The following RPS10 variants were observed in gnomAD, a reference collection of about 807,000 sequenced individuals.
RPS10 encodes the protein small ribosomal subunit protein eS10.
RPS10 carries 2 observed loss-of-function variants against 22.6 expected under a neutral mutation model. That is an observed-to-expected ratio of 0.09 (90% confidence interval 0.04 to 0.28). RPS10 has a LOEUF of 0.28. Among genes scored for constraint, RPS10 ranks in the 10% least tolerant of loss-of-function variants. The pLI is 1.00. For missense variants in RPS10, 137 were observed against 222.2 expected, an observed-to-expected ratio of 0.62 and a Z score of 2.44; for synonymous variants, 70 against 75.9, an observed-to-expected ratio of 0.92 and a Z score of 0.40.
chr6:34,417,819 C>T (rs1765629508), intron 5 of RPS10: 1 of 718,582 alleles, frequency 1.4e-6, no homozygotes. Flanking sequence ...CATCCAGCAC[C>T]AGGATTGGAC....
At chr6:34,421,914 T>C in intron 3 of RPS10, 107 bp from the exon 4 acceptor site, 1 of 1,144,372 alleles carries the variant, frequency 8.7e-7, no homozygotes. Flanking sequence ...AGCAACCACT[T>C]GGTTAAGATG....
intron 3 of RPS10, among the ~76,000 whole-genome samples, chr6:34,423,323 A>G (rs185304387): frequency 3.3e-5 from 5 of 152,074 alleles, no homozygotes; most frequent in Admixed American, 3.3e-4. Context: ...TTGTAGACGG[A>G]GTCTCACTAT....
rs374314919 is a variant in RPS10, at chr6:34,425,111, G to C, written c.111C>G (p.Asp37Glu). 72 of 1,612,742 alleles carry C rather than the reference G, an allele frequency of 4.5e-5. No individual in the cohort carries two copies. Among genetic ancestry groups the C allele is most frequent in the Admixed American group, 1.7e-4 (10 of 59,982 alleles). ...VHMPKHPELA[D>E]KNVPNLHVMK... ...TGACATGAAGGTTGGGCACATTCTT[G>C]TCTGCCAGCTCCGGGTGCTTAGGCA... Residue 37 changes from aspartate (D) to glutamate (E), a missense_variant, in exon 2 of 6, where the codon GAC (aspartate) becomes GAG (glutamate). Transcript: ENST00000648437.
At position 34,418,285 on chromosome 6, in the gene RPS10, A is replaced by T. The variant is rs931134758; in HGVS notation, c.456+84T>A. 2.5e-6 allele frequency: 4 copies of T among 1,608,528 alleles called. No homozygotes were observed. The Admixed American group carries it at 6.8e-5, about 27-fold the overall frequency. On this transcript the variant is annotated intron_variant, in intron 5 of 5. Transcript: ENST00000648437. The stretch of plus-strand genomic sequence containing the variant: ...GGTTGACAGGACCCACCCATACTAT[A>T]TGACATCCCCACAACTTGCAGAGCA...
intron 3 of RPS10, among the ~76,000 whole-genome samples, chr6:34,423,378 T>G (rs764633030): frequency 1.1e-4 from 16 of 152,098 alleles, no homozygotes; most frequent in Non-Finnish European, 1.8e-4. Context: ...GTAGTCTTCC[T>G]GCCTTGGCCT....
intron 5 of RPS10, 166 bp from the exon 6 acceptor site, chr6:34,417,713 G>A (rs1379549186): frequency 1.3e-6 from 1 of 741,510 alleles, no homozygotes; most frequent in African/African-American, 1.7e-5. Flanking sequence ...CTTACTGGAT[G>A]TGGGGCCATA....
intron 1 of RPS10, 52 bp from the exon 2 acceptor site, chr6:34,425,273 C>A (rs1289918661): frequency 4.5e-6 from 7 of 1,556,044 alleles, no homozygotes; most frequent in Non-Finnish European, 5.2e-6. Context: ...GAGGCCGGGG[C>A]CCGGTAATCA....
At chr6:34,425,611 G>C (rs545213072) in intron 1 of RPS10, 3 of 283,708 alleles carry the variant, frequency 1.1e-5, no homozygotes, top group Non-Finnish European at 2.1e-5. Context: ...GGCCCGGAGG[G>C]GTAAAGCCCC....
chr6:34,424,641 G>A (rs1204937988), intron 3 of RPS10, 28 bp downstream of exon 3: 2 of 1,613,648 alleles, frequency 1.2e-6, no homozygotes, highest in Admixed American at 3.3e-5. Context: ...TCTTCAAATA[G>A]CTGAAGGGAT....
rs192116863 is a variant in RPS10, at chr6:34,423,613, G to A, written c.322+1056C>T. 2.2e-4 allele frequency among the ~76,000 whole-genome samples: 33 copies of A among 152,216 alleles called. No homozygotes were observed. The East Asian group carries it at 4.2e-3, about 20-fold the overall frequency. On this transcript the variant is annotated intron_variant, in intron 3 of 5. Transcript: ENST00000648437. ...AAAAGACGTATTATGGGCTGGGCGC[G>A]GTGGCTAACGCCTGTAATCCCAGCA...
chr6:34,418,391 C>A lies in RPS10; in HGVS notation c.434G>T (p.Gly145Val). 1 of 1,614,144 alleles carries A rather than the reference C, an allele frequency of 6.2e-7. No homozygotes were observed. Among genetic ancestry groups the A allele is most frequent in the Non-Finnish European group, 8.5e-7 (1 of 1,180,030 alleles). Residue 145 changes from glycine to valine, a missense_variant, in exon 5 of 6, where the codon GGG (glycine) becomes GTG (valine). Coordinates refer to ENST00000648437, the MANE Select transcript of RPS10 (RefSeq NM_001014.5). ...GADKKAEAGAGSATEFQFRGG... is the reference protein window; with the variant it reads ...GADKKAEAGAVSATEFQFRGG... Reference sequence around the variant, plus strand: ...CACAAACTGGAATTCGGTTGCTGACCCAGCCCCAGCCTCGGCTTTCTTGTC... The same window carrying A: ...CACAAACTGGAATTCGGTTGCTGACACAGCCCCAGCCTCGGCTTTCTTGTC...
At position 34,421,794 on chromosome 6, in the gene RPS10, C is replaced by A; in HGVS notation, c.336G>T (p.Glu112Asp). 1 of 1,613,948 alleles carries A rather than the reference C, an allele frequency of 6.2e-7. No individual in the cohort carries two copies. The highest frequency in any genetic ancestry group is 8.5e-7 in the Non-Finnish European group (1 of 1,179,872). ...CCCCTCTTGTGAGTCTCGCAGGTCG[C>A]TCACCCTCCAGACCTATGTAAATCA... ...GRPRPKGLEGERPARLTRGEA... is the reference protein window; with the variant it reads ...GRPRPKGLEGDRPARLTRGEA... Residue 112 changes from glutamate to aspartate, a missense_variant, in exon 4 of 6, where the codon GAG (glutamate) becomes GAT (aspartate). Physicochemically the swap from Glu to Asp is conservative, Grantham distance 45. Transcript: ENST00000648437.
chr6:34,423,765 T>A (rs1315993418), intron 3 of RPS10, among the ~76,000 whole-genome samples: 1 of 151,918 alleles, frequency 6.6e-6, no homozygotes, highest in Non-Finnish European at 1.5e-5. Flanking sequence ...GCGCCTATAA[T>A]CCCAGTCTCG....
At chr6:34,425,655 G>A (rs900159164) in intron 1 of RPS10, 9 of 227,642 alleles carry the variant, frequency 4.0e-5, no homozygotes, top group Non-Finnish European at 8.1e-5. Flanking sequence ...CAAACCAAAG[G>A]GCTAAGGCCT....
intron 4 of RPS10, among the ~76,000 whole-genome samples, chr6:34,418,847 C>T (rs962124223): frequency 1.3e-5 from 2 of 152,104 alleles, no homozygotes; most frequent in Non-Finnish European, 2.9e-5. Flanking sequence ...AGTCACAGTT[C>T]AAATGGAGAC....
intron 5 of RPS10, chr6:34,417,895 G>A (rs753568249): frequency 2.8e-6 from 2 of 717,982 alleles, no homozygotes; most frequent in South Asian, 1.5e-5. Context: ...GTGCTATGAG[G>A]ACCTGCCATA....
intron 5 of RPS10, 27 bp downstream of exon 5, chr6:34,418,342 A>T (rs2113795121): frequency 1.2e-6 from 2 of 1,614,100 alleles, no homozygotes; most frequent in East Asian, 4.5e-5. Context: ...GTGATGGCTC[A>T]TGGAAAACAA....
At chr6:34,421,702 C>T (rs141785979) in intron 4 of RPS10, 28 bp downstream of exon 4, 1 of 1,612,584 alleles carries the variant, frequency 6.2e-7, no homozygotes, top group African/African-American at 1.3e-5. Flanking sequence ...ACCCCAACAC[C>T]CCTAATATAG....
rs557511009 is a variant in RPS10 at position 34,420,318 on chromosome 6, C to T, written c.400+1412G>A. Among the ~76,000 whole-genome samples, 210 of 152,132 alleles carry T rather than the reference C, an allele frequency of 1.4e-3. 1 individual carries two copies. The highest frequency in any genetic ancestry group is 7.5e-3 in the South Asian group (36 of 4,816). On this transcript the variant is annotated intron_variant, in intron 4 of 5. Coordinates refer to ENST00000648437, the MANE Select transcript of RPS10 (RefSeq NM_001014.5). ...GCAACCTCCGCCTCCCAGGTTCAAG[C>T]AATTCTCCCGCCTCAGCCTCCCGAG...
Sources: allele counts gnomAD v4.1 joint callset (sites outside exome capture counted in the v4.1 genomes callset), GRCh38; gene constraint gnomAD v4.1.1; transcripts MANE v1.5; gene names NCBI Gene and HGNC (gene_info 2026-07-23, HGNC 2026-07-21).